KCNK12: variants seen among roughly 807,000 people sequenced by gnomAD.
KCNK12 encodes potassium channel subfamily K member 12.
KCNK12 carries 6 observed loss-of-function variants against 25.3 expected under a neutral mutation model. That is an observed-to-expected ratio of 0.24 (90% CI 0.13 to 0.47). The LOEUF is 0.47. Among genes scored for constraint, KCNK12 ranks in the 20% least tolerant of loss-of-function variants. The probability of loss-of-function intolerance (pLI) is 0.99; values close to 1 mark genes in which losing one functional copy is unlikely to be tolerated. For missense variants in KCNK12, 444 were observed against 661.7 expected, an observed-to-expected ratio of 0.67 and a Z score of 3.61; for synonymous variants, 331 against 311.1, an observed-to-expected ratio of 1.06 and a Z score of -0.67.
intron 1 of KCNK12, chr2:47,564,455 A>G (rs960866394): frequency 4.5e-6 from 1 of 223,218 alleles, no homozygotes; most frequent in African/African-American, 2.2e-5. Flanking sequence ...CTATCCAGCA[A>G]TAGGGGTAGT....
At chr2:47,542,198 C>T (rs1346762186) in intron 1 of KCNK12, among the ~76,000 whole-genome samples, 3 of 152,192 alleles carry the variant, frequency 2.0e-5, no homozygotes, top group Non-Finnish European at 4.4e-5. Context: ...CCACTTCTGT[C>T]GAGGCTCTCT....
At chr2:47,534,236 C>G (rs747539581) in intron 1 of KCNK12, among the ~76,000 whole-genome samples, 2 of 151,914 alleles carry the variant, frequency 1.3e-5, no homozygotes, top group Admixed American at 1.3e-4. Flanking sequence ...AACCACCCCC[C>G]ACTCTGTGCT....
At chr2:47,522,210 G>C (rs551940943) in intron 1 of KCNK12, among the ~76,000 whole-genome samples, 1 of 152,286 alleles carries the variant, frequency 6.6e-6, no homozygotes, top group South Asian at 2.1e-4. Context: ...TTTAAAAACT[G>C]TCATCTTTAT....
rs1486459066 is a variant in KCNK12, at chr2:47,570,293, G to A, written c.39C>T (p.Ser13=). 2 of 1,372,812 alleles carry A rather than the reference G, an allele frequency of 1.5e-6. No individual in the cohort carries two copies. The highest frequency in any genetic ancestry group is 3.3e-5 in the Admixed American group (1 of 30,764). 85.0% of individuals were successfully genotyped at this position (1,372,812 alleles called of 1,614,324 possible). The change falls in exon 1 of 2, where the codon AGC becomes AGT. Residue 13 remains serine, a synonymous_variant. Transcript: ENST00000327876. Reference sequence around the variant, plus strand: ...AGGAGGGGCGCGGCAGGCGGCGGCGGCTACGGCGGGGCGGGGGCCGGGGGC... The same window carrying A: ...AGGAGGGGCGCGGCAGGCGGCGGCGACTACGGCGGGGCGGGGGCCGGGGGC... ...SRSPRPPPRR[S]RRRLPRPSCC...
chr2:47,525,659 G>A lies in KCNK12; in HGVS notation c.392-3851C>T, dbSNP rs1668753967. Among the ~76,000 whole-genome samples, 1 of 152,214 alleles carries A rather than the reference G, an allele frequency of 6.6e-6. No homozygotes were observed. The highest frequency in any genetic ancestry group is 6.5e-5 in the Admixed American group (1 of 15,286). On this transcript the variant is annotated intron_variant, in intron 1 of 1. Transcript: ENST00000327876. This position sits in a 1 kb window ranked among gnomAD's most constrained non-coding sequence, Gnocchi z 4.1. ...GGATACTGAAAGGAAGAGATCTGAA[G>A]AGACTGCTCAAGAGGGCTGCCTGCT...
chr2:47,562,927 T>G lies in KCNK12; in HGVS notation c.391+7014A>C, dbSNP rs1363353139. ...TCCGGATTGCTGGCTGGTGGCCCCA[T>G]GCAGAGCCCCCGACCCCGGAAAGTC... On this transcript the variant is annotated intron_variant, in intron 1 of 1. Coordinates refer to ENST00000327876, the MANE Select transcript of KCNK12 (RefSeq NM_022055.2). The surrounding 1 kb of genome is among the most constrained non-coding windows in gnomAD (Gnocchi z 4.8). 2 of 233,210 alleles carry G rather than the reference T, an allele frequency of 8.6e-6. No individual in the cohort carries two copies. The highest frequency in any genetic ancestry group is 1.7e-5 in the Non-Finnish European group (2 of 118,198). The allele number at this position is 233,210 out of a possible 1,614,324, so 14.4% of individuals were successfully genotyped here.
rs1036854156 is a variant in KCNK12 at position 47,540,665 on chromosome 2, C to T, written c.392-18857G>A. ...GTTAGGCTAGGCACGGTGGCTTATG[C>T]CTGTCATGCCAGCACTTTGGGAGGC... On this transcript the variant is annotated intron_variant, in intron 1 of 1. Transcript: ENST00000327876. This position sits in a 1 kb window ranked among gnomAD's most constrained non-coding sequence, Gnocchi z 5.4. Among the ~76,000 whole-genome samples, 47 of 152,314 alleles carry T rather than the reference C, an allele frequency of 3.1e-4. No homozygotes were observed. The highest frequency in any genetic ancestry group is 1.1e-3 in the African/African-American group (44 of 41,568).
Position 47,515,226 on chromosome 2 carries a change from C to G in KCNK12, c.*5681G>C, listed in dbSNP as rs1489435647. Reference sequence around the variant, plus strand: ...CTAATGGGTCTTGGCTGGAAGCTAACAGGAAGGCCTCTTTCCAGAAACACT... The same window carrying G: ...CTAATGGGTCTTGGCTGGAAGCTAAGAGGAAGGCCTCTTTCCAGAAACACT... On this transcript the variant is annotated 3_prime_UTR_variant, in exon 2 of 2. Transcript: ENST00000327876. 6.6e-6 allele frequency among the ~76,000 whole-genome samples: 1 copy of G among 152,206 alleles called. No homozygotes were observed. Among genetic ancestry groups the G allele is most frequent in the African/African-American group, 2.4e-5 (1 of 41,446 alleles).
At chr2:47,535,520 A>G (rs1669048876) in intron 1 of KCNK12, among the ~76,000 whole-genome samples, 1 of 152,094 alleles carries the variant, frequency 6.6e-6, no homozygotes, top group South Asian at 2.1e-4. Flanking sequence ...CTCAGCTGCC[A>G]CACACAGATG....
At position 47,556,632 on chromosome 2, in the gene KCNK12, A is replaced by G. The variant is rs772670381; in HGVS notation, c.391+13309T>C. Among the ~76,000 whole-genome samples, 10 of 152,150 alleles carry G rather than the reference A, an allele frequency of 6.6e-5. No individual in the cohort carries two copies. The highest frequency in any genetic ancestry group is 1.3e-4 in the Non-Finnish European group (9 of 68,028). ...GATGAAGAATACGTGGGAAGTTGGT[A>G]TTTTGATAGGGGTACAACATAGGGA... On this transcript the variant is annotated intron_variant, in intron 1 of 1. Transcript: ENST00000327876. The surrounding 1 kb of genome is among the most constrained non-coding windows in gnomAD (Gnocchi z 4.8).
rs1015752235 is a variant in KCNK12 at position 47,520,592 on chromosome 2, G to C, written c.*315C>G. 1 of 269,870 alleles carries C rather than the reference G, an allele frequency of 3.7e-6. No individual in the cohort carries two copies. Among genetic ancestry groups the C allele is most frequent in the East Asian group, 6.4e-5 (1 of 15,610 alleles). 16.7% of individuals were successfully genotyped at this position (269,870 alleles called of 1,614,324 possible). On this transcript the variant is annotated 3_prime_UTR_variant, in exon 2 of 2. Transcript: ENST00000327876. The surrounding 1 kb of genome is among the most constrained non-coding windows in gnomAD (Gnocchi z 5.0). ...CTTCTGTGCATGGGGACGGGGTTTA[G>C]TGCCAGTCTGCAAAACCCTCCTCGC...
In KCNK12 at chr2:47,521,276, C is replaced by G; in HGVS notation, c.924G>C (p.Trp308Cys). The change falls in exon 2 of 2, where the codon TGG becomes TGC. Residue 308 changes from tryptophan (W) to cysteine (C), a missense_variant. Physicochemically the swap from Trp to Cys is radical, Grantham distance 215 (BLOSUM62 -2). This residue lies in a region of KCNK12 where 56 missense variants were observed against 135.7 expected (regional missense o/e 0.41). Coordinates refer to ENST00000327876, the MANE Select transcript of KCNK12 (RefSeq NM_022055.2). ...AGCGGCAGCTCAGCTTGCGCAGCAT[C>G]CAGTTGAGCACCTGCTTGATGAGGA... ...ISILIKQVLN[W>C]MLRKLSCRCC... The G allele has an allele frequency of 6.2e-7, 1 of 1,611,362 alleles. No homozygotes were observed. Among genetic ancestry groups the G allele is most frequent in the African/African-American group, 1.3e-5 (1 of 75,010 alleles).
chr2:47,527,809 G>A (rs1668821330), intron 1 of KCNK12: 1 of 152,330 alleles, frequency 6.6e-6, no homozygotes, highest in Non-Finnish European at 1.5e-5. Flanking sequence ...AAGCTGGTAA[G>A]ACCAACATCC....
chr2:47,548,746 G>A lies in KCNK12; in HGVS notation c.391+21195C>T, dbSNP rs1384375663. 3.3e-5 allele frequency among the ~76,000 whole-genome samples: 5 copies of A among 152,234 alleles called. No individual in the cohort carries two copies. The highest frequency in any genetic ancestry group is 1.2e-4 in the African/African-American group (5 of 41,460). On this transcript the variant is annotated intron_variant, in intron 1 of 1. Transcript: ENST00000327876. The surrounding 1 kb of genome is among the most constrained non-coding windows in gnomAD (Gnocchi z 4.4). Reference sequence around the variant, plus strand: ...GGTAGTTCAGGATTATGGTCCCTGAGAGAAGGGAAACAAACAAGGTGAGCC... The same window carrying A: ...GGTAGTTCAGGATTATGGTCCCTGAAAGAAGGGAAACAAACAAGGTGAGCC...
At chr2:47,521,898 A>C in intron 1 of KCNK12, 90 bp from the exon 2 acceptor site, 1 of 1,102,524 alleles carries the variant, frequency 9.1e-7, no homozygotes, top group South Asian at 1.8e-5. Flanking sequence ...GGGGGCATGC[A>C]GGTGCTTGCG....
rs1668443281 is a variant in KCNK12, at chr2:47,513,108, C to G, written c.*7799G>C. ...TACATAGATTATGCTTGCACTCACT[C>G]TTAAGAGAGAGACATGAACTTTTAC... On this transcript the variant is annotated 3_prime_UTR_variant, in exon 2 of 2. Transcript: ENST00000327876. 1 of 152,284 alleles carries G rather than the reference C, an allele frequency of 6.6e-6. No individual in the cohort carries two copies. Among genetic ancestry groups the G allele is most frequent in the Non-Finnish European group, 1.5e-5 (1 of 68,086 alleles). The allele number at this position is 152,284 out of a possible 1,614,324, so 9.4% of individuals were successfully genotyped here.
At position 47,512,268 on chromosome 2, in the gene KCNK12, T is replaced by G. The variant is rs564975676; in HGVS notation, c.*8639A>C. 51 of 1,610,016 alleles carry G rather than the reference T, an allele frequency of 3.2e-5. No individual in the cohort carries two copies. The South Asian group carries it at 5.1e-4, about 16-fold the overall frequency. ...TTCTTGATGGAAATCCCCGTGGAAC[T>G]CCTACATTTTCTCCTCTCTTCTCCT... is the stretch of plus-strand genomic sequence containing the variant. On this transcript the variant is annotated 3_prime_UTR_variant, in exon 2 of 2. Coordinates refer to ENST00000327876, the MANE Select transcript of KCNK12 (RefSeq NM_022055.2).
intron 1 of KCNK12, among the ~76,000 whole-genome samples, chr2:47,524,088 T>C (rs971397254): frequency 3.3e-5 from 5 of 152,212 alleles, no homozygotes; most frequent in Admixed American, 2.6e-4. Context: ...GAAAATCTTA[T>C]GATGTTACCC....
chr2:47,545,923 T>C (rs1342480946), intron 1 of KCNK12, among the ~76,000 whole-genome samples: 1 of 152,066 alleles, frequency 6.6e-6, no homozygotes, highest in Non-Finnish European at 1.5e-5. Context: ...TCTTTTTTTT[T>C]TTTTTCTCAA....
Sources: allele counts gnomAD v4.1 joint callset (sites outside exome capture counted in the v4.1 genomes callset), GRCh38; gene constraint gnomAD v4.1.1; regional missense constraint gnomAD v4.1.1; non-coding constraint Gnocchi (gnomAD v3.1); transcripts MANE v1.5; gene names NCBI Gene and HGNC (gene_info 2026-07-23, HGNC 2026-07-21).